ITGA8: variants seen among roughly 807,000 people sequenced by gnomAD.
The protein encoded by ITGA8 is integrin alpha-8.
Under a neutral mutation model 142.3 loss-of-function variants are expected in ITGA8, and 91 were observed. The ratio of observed to expected loss-of-function variants is 0.64; its 90% confidence interval spans 0.54 to 0.76. The LOEUF is 0.76. Ranked by LOEUF, ITGA8 falls within the 30% of genes least tolerant of loss-of-function variation. The pLI, the probability that ITGA8 is intolerant of heterozygous loss-of-function variation, is 0.00. For synonymous variants in ITGA8, 505 were observed against 485.2 expected, an observed-to-expected ratio of 1.04 and a Z score of -0.54; for missense variants, 1,406 against 1,327.7, an observed-to-expected ratio of 1.06 and a Z score of -0.92.
At chr10:15,545,988 G>GA (rs1734788020) in intron 27 of ITGA8, among the ~76,000 whole-genome samples, 3 of 152,120 alleles carry the variant, frequency 2.0e-5, no homozygotes. Flanking sequence ...CTGACACACT[G>GA]GTCTCCATTT....
chr10:15,518,618 C>A (rs536756216), intron 29 of ITGA8, among the ~76,000 whole-genome samples: 1 of 152,302 alleles, frequency 6.6e-6, no homozygotes, highest in African/African-American at 2.4e-5. Flanking sequence ...GACGTCATTT[C>A]CATTTGGGAA....
chr10:15,609,152 A>G (rs939992363), intron 15 of ITGA8, among the ~76,000 whole-genome samples: 6 of 152,134 alleles, frequency 3.9e-5, no homozygotes, highest in African/African-American at 1.4e-4. Flanking sequence ...GTGGCTACAG[A>G]TGGAATGAGA....
intron 27 of ITGA8, among the ~76,000 whole-genome samples, chr10:15,539,697 A>G (rs1307919496): frequency 6.6e-6 from 1 of 152,184 alleles, no homozygotes; most frequent in Non-Finnish European, 1.5e-5. Flanking sequence ...TTTTGGAGGT[A>G]CATGTGATAT....
chr10:15,589,845 C>T (rs1832896183), intron 22 of ITGA8, among the ~76,000 whole-genome samples: 1 of 151,408 alleles, frequency 6.6e-6, no homozygotes, highest in African/African-American at 2.4e-5. Flanking sequence ...TCGCTGCAAC[C>T]TCTGCCTGCC....
intron 27 of ITGA8, among the ~76,000 whole-genome samples, chr10:15,532,779 C>A (rs138573971): frequency 8.8e-4 from 134 of 151,888 alleles, no homozygotes; most frequent in African/African-American, 3.1e-3. Flanking sequence ...TTAAACAGAG[C>A]CATTATTACA....
chr10:15,674,494 A>G (rs1275774021), intron 6 of ITGA8, among the ~76,000 whole-genome samples: 2 of 152,222 alleles, frequency 1.3e-5, no homozygotes, highest in African/African-American at 4.8e-5. Context: ...CCGTAAATAT[A>G]ATTTTAATTT....
intron 8 of ITGA8, among the ~76,000 whole-genome samples, chr10:15,662,844 C>CA (rs1834315336): frequency 6.6e-6 from 1 of 152,154 alleles, no homozygotes; most frequent in Non-Finnish European, 1.5e-5. Context: ...TCCAACACAT[C>CA]AAATTACATT....
chr10:15,714,098 C>T (rs528843114), intron 2 of ITGA8, among the ~76,000 whole-genome samples: 1 of 152,158 alleles, frequency 6.6e-6, no homozygotes, highest in East Asian at 1.9e-4. Flanking sequence ...GCACACATCA[C>T]CTTTTTCCTC....
At chr10:15,656,001 C>A (rs932522336) in intron 10 of ITGA8, among the ~76,000 whole-genome samples, 1 of 152,114 alleles carries the variant, frequency 6.6e-6, no homozygotes, top group Non-Finnish European at 1.5e-5. Flanking sequence ...GGAGGATCGC[C>A]TGAGCCTGGG....
rs765173675 is a variant in ITGA8 at position 15,660,861 on chromosome 10, T to C, written c.891+18A>G. On this transcript the variant is annotated intron_variant, in intron 9 of 29. Coordinates refer to ENST00000378076, the MANE Select transcript of ITGA8 (RefSeq NM_003638.3). Reference sequence around the variant, plus strand: ...ACAAGAAAATACCCTATTCCTGTAATGCATTCTCAGTACTCACATATCCAA... The same window carrying C: ...ACAAGAAAATACCCTATTCCTGTAACGCATTCTCAGTACTCACATATCCAA... 4 of 1,603,562 alleles carry C rather than the reference T, an allele frequency of 2.5e-6. No homozygotes were observed. Among genetic ancestry groups the C allele is most frequent in the Admixed American group, 3.3e-5 (2 of 59,970 alleles).
chr10:15,663,550 T>A (rs1834329417), intron 8 of ITGA8, among the ~76,000 whole-genome samples: 1 of 151,418 alleles, frequency 6.6e-6, no homozygotes, highest in African/African-American at 2.4e-5. Flanking sequence ...CTGAATGCTA[T>A]TCTTGAGAGC....
At chr10:15,583,822 A>G (rs190477608) in intron 23 of ITGA8, among the ~76,000 whole-genome samples, 11 of 152,282 alleles carry the variant, frequency 7.2e-5, no homozygotes, top group Admixed American at 3.3e-4. Context: ...AAAAAGGATG[A>G]ATTTTACTTT....
intron 13 of ITGA8, among the ~76,000 whole-genome samples, chr10:15,622,182 C>A (rs374564860): frequency 6.6e-6 from 1 of 151,620 alleles, no homozygotes; most frequent in African/African-American, 2.4e-5. Flanking sequence ...AAACAAAAAA[C>A]AAAAAAGAAT....
At chr10:15,558,658 G>C (rs1293301521) in intron 25 of ITGA8, among the ~76,000 whole-genome samples, 2 of 152,186 alleles carry the variant, frequency 1.3e-5, no homozygotes, top group Non-Finnish European at 1.5e-5. Flanking sequence ...ACAGCCTGAT[G>C]TGGTCAAAGA....
intron 20 of ITGA8, among the ~76,000 whole-genome samples, chr10:15,598,313 CAGCTCT>C (rs1833042375): frequency 6.6e-6 from 1 of 152,270 alleles, no homozygotes; most frequent in South Asian, 2.1e-4. Context: ...ATCCATCTGT[CAGCTCT>C]ATTGAAATTT....
intron 2 of ITGA8, among the ~76,000 whole-genome samples, chr10:15,705,870 C>G (rs1442040976): frequency 1.3e-5 from 2 of 152,082 alleles, no homozygotes; most frequent in Non-Finnish European, 2.9e-5. Flanking sequence ...GTTTTGTACA[C>G]ATCCTCCTCA....
At chr10:15,635,917 C>G (rs372438408) in intron 13 of ITGA8, among the ~76,000 whole-genome samples, 52 of 86,224 alleles carry the variant, frequency 6.0e-4, no homozygotes, top group African/African-American at 1.8e-3. Context: ...TTTGCTTATA[C>G]TACACACACA....
At chr10:15,656,141 CAT>C (rs1834179738) in intron 10 of ITGA8, among the ~76,000 whole-genome samples, 1 of 152,098 alleles carries the variant, frequency 6.6e-6, no homozygotes. Context: ...AGAGATATGA[CAT>C]GTGGTACCAA....
At chr10:15,656,548 G>C (rs560096779) in intron 10 of ITGA8, among the ~76,000 whole-genome samples, 134 of 152,008 alleles carry the variant, frequency 8.8e-4, no homozygotes, top group African/African-American at 3.1e-3. Context: ...ATTTTTAGTA[G>C]AGATGAGGTT....
Sources: gnomAD v4.1 joint callset for allele counts (sites outside exome capture counted in the v4.1 genomes callset) on GRCh38, gnomAD v4.1.1 for gene constraint, MANE v1.5 for transcripts, NCBI Gene and HGNC (gene_info 2026-07-23, HGNC 2026-07-21) for gene names.